ADCY8: variants seen among roughly 807,000 people sequenced by gnomAD.
ADCY8 encodes the protein adenylate cyclase 8.
A neutral mutation model predicts 119.7 loss-of-function variants in ADCY8; 51 were observed. The observed-to-expected ratio is 0.43, with a 90% confidence interval of 0.34 to 0.54. The LOEUF (loss-of-function observed/expected upper bound fraction) is 0.54. ADCY8 is among the 20% of genes least tolerant of loss of function. The pLI, the probability that ADCY8 is intolerant of heterozygous loss-of-function variation, is 0.03. For missense variants in ADCY8, 1,383 were observed against 1,598.8 expected, an observed-to-expected ratio of 0.87 and a Z score of 2.30; for synonymous variants, 665 against 651.0, an observed-to-expected ratio of 1.02 and a Z score of -0.33.
rs529708448 is a variant in ADCY8 at position 130,957,568 on chromosome 8, A to G, written c.1111-5570T>C. On this transcript the variant is annotated intron_variant, in intron 2 of 17. Transcript: ENST00000286355. ...AACGAGGAGCTGAATGTTAATCCCC[A>G]GGACAATGGGGAAAATGTCTCCAGG... Among the ~76,000 whole-genome samples the G allele has an allele frequency of 2.6e-5, 4 of 152,326 alleles. No homozygotes were observed. The East Asian group carries it at 5.8e-4, about 22-fold the overall frequency.
At chr8:130,783,560 T>G in intron 17 of ADCY8, 131 bp downstream of exon 17, 1 of 609,418 alleles carries the variant, frequency 1.6e-6, no homozygotes. Flanking sequence ...TCCCTATCCT[T>G]GGCAGGGTCA....
At chr8:130,867,983 G>T in intron 8 of ADCY8, 37 bp from the exon 9 acceptor site, 1 of 1,412,626 alleles carries the variant, frequency 7.1e-7, no homozygotes, top group Non-Finnish European at 9.9e-7. Context: ...TTACTTTGCA[G>T]CAGAGTGCAG....
chr8:130,873,835 T>TAAAA (rs1563705780), intron 8 of ADCY8, among the ~76,000 whole-genome samples: 7 of 152,098 alleles, frequency 4.6e-5, no homozygotes, highest in Non-Finnish European at 1.0e-4. Flanking sequence ...AAATTTAGTT[T>TAAAA]GATTAAAGAA....
At chr8:130,960,691 C>A (rs1821574145) in intron 2 of ADCY8, among the ~76,000 whole-genome samples, 1 of 151,968 alleles carries the variant, frequency 6.6e-6, no homozygotes, top group African/African-American at 2.4e-5. Context: ...ACAGCAACAA[C>A]ACTAAAGTAG....
intron 6 of ADCY8, among the ~76,000 whole-genome samples, chr8:130,909,184 A>G (rs1183974801): frequency 2.6e-5 from 4 of 152,200 alleles, no homozygotes; most frequent in Non-Finnish European, 5.9e-5. Context: ...CATTAGTTGC[A>G]GTGGCCTTTG....
At chr8:130,856,725 T>C (rs756940452) in intron 9 of ADCY8, among the ~76,000 whole-genome samples, 1 of 152,176 alleles carries the variant, frequency 6.6e-6, no homozygotes, top group Non-Finnish European at 1.5e-5. Context: ...TAGCTACATA[T>C]ATAGTATATA....
rs139508507 is a variant in ADCY8 at position 131,004,508 on chromosome 8, C to T, written c.961-13966G>A. Among the ~76,000 whole-genome samples the T allele has an allele frequency of 2.3e-3, 357 of 152,354 alleles. 2 individuals are homozygous for T. The highest frequency in any genetic ancestry group is 3.9e-3 in the Non-Finnish European group (265 of 68,042). On this transcript the variant is annotated intron_variant, in intron 1 of 17. Transcript: ENST00000286355. ...CTTTTTTGATCTCTCGACCTGTACT[C>T]TGTATAGGCATCTACTATTGCCCTT...
intron 5 of ADCY8, among the ~76,000 whole-genome samples, chr8:130,921,436 T>C (rs958220612): frequency 6.7e-6 from 1 of 148,664 alleles, no homozygotes; most frequent in South Asian, 2.1e-4. Flanking sequence ...TTATCCATTT[T>C]TCTTTTTCTT....
chr8:130,953,030 T>C (rs2130661985), intron 2 of ADCY8, among the ~76,000 whole-genome samples: 1 of 152,242 alleles, frequency 6.6e-6, no homozygotes, highest in Admixed American at 6.5e-5. Flanking sequence ...AGGAAAGTAA[T>C]GGGTTAACTA....
intron 14 of ADCY8, among the ~76,000 whole-genome samples, chr8:130,812,458 A>C (rs1445606532): frequency 2.0e-5 from 3 of 152,224 alleles, no homozygotes; most frequent in Non-Finnish European, 2.9e-5. Flanking sequence ...ATGAGGTCAT[A>C]CTCAATTAGG....
intron 3 of ADCY8, among the ~76,000 whole-genome samples, chr8:130,945,894 T>G (rs1192770274): frequency 6.6e-6 from 1 of 152,248 alleles, no homozygotes; most frequent in East Asian, 1.9e-4. Context: ...GAACCTATCA[T>G]GTTCTTCTCC....
chr8:130,979,623 A>C (rs1365221871), intron 2 of ADCY8, among the ~76,000 whole-genome samples: 1 of 152,204 alleles, frequency 6.6e-6, no homozygotes, highest in East Asian at 1.9e-4. Flanking sequence ...GCTCTGGAGA[A>C]GACTGTTTAG....
intron 1 of ADCY8, among the ~76,000 whole-genome samples, chr8:130,998,936 A>G (rs917672130): frequency 2.0e-5 from 3 of 152,176 alleles, no homozygotes; most frequent in Non-Finnish European, 4.4e-5. Flanking sequence ...ATCTTGGAGA[A>G]CTTTATTTTT....
At chr8:130,918,506 A>AT (rs1008191128) in intron 5 of ADCY8, among the ~76,000 whole-genome samples, 17 of 152,286 alleles carry the variant, frequency 1.1e-4, no homozygotes, top group Non-Finnish European at 2.1e-4. Flanking sequence ...AGTAAAACCT[A>AT]TTTTTTTAAA....
At position 130,915,340 on chromosome 8, in the gene ADCY8, G is replaced by C. The variant is rs28608189; in HGVS notation, c.1482-5474C>G. 3.8e-3 allele frequency among the ~76,000 whole-genome samples: 578 copies of C among 152,144 alleles called. 20 individuals are homozygous for C. The East Asian group carries it at 0.085, about 22-fold the overall frequency. ...TTCTTTTTAGACAATTAATCCATAGGAGTTGCTAGAGGAATGACAGGACGC... is the reference window on the plus strand; with the variant it reads ...TTCTTTTTAGACAATTAATCCATAGCAGTTGCTAGAGGAATGACAGGACGC... On this transcript the variant is annotated intron_variant, in intron 5 of 17. Coordinates refer to ENST00000286355, the MANE Select transcript of ADCY8 (RefSeq NM_001115.3).
intron 5 of ADCY8, among the ~76,000 whole-genome samples, chr8:130,920,953 G>A (rs1458842369): frequency 1.3e-5 from 2 of 152,082 alleles, no homozygotes; most frequent in Non-Finnish European, 2.9e-5. Flanking sequence ...GCAGATTTTA[G>A]ACTTAACTAG....
chr8:130,981,308 A>C (rs1187510262), intron 2 of ADCY8, among the ~76,000 whole-genome samples: 2 of 152,226 alleles, frequency 1.3e-5, no homozygotes, highest in African/African-American at 4.8e-5. Flanking sequence ...CAACTGACCC[A>C]TACTCAAGTC....
chr8:130,896,199 C>A (rs771856983), intron 7 of ADCY8, among the ~76,000 whole-genome samples: 40 of 152,138 alleles, frequency 2.6e-4, no homozygotes, highest in Non-Finnish European at 4.6e-4. Context: ...TCACAGTGAG[C>A]CTGCTGACCT....
chr8:130,875,103 T>G (rs941407759), intron 8 of ADCY8, among the ~76,000 whole-genome samples: 3 of 152,110 alleles, frequency 2.0e-5, no homozygotes, highest in African/African-American at 7.2e-5. Flanking sequence ...TTGATCTGAT[T>G]AAAAAATACA....
Sources: allele counts gnomAD v4.1 joint callset (sites outside exome capture counted in the v4.1 genomes callset), GRCh38; gene constraint gnomAD v4.1.1; transcripts MANE v1.5; gene names NCBI Gene and HGNC (gene_info 2026-07-23, HGNC 2026-07-21).